The following FSTL4 variants were observed in gnomAD, a reference collection of about 807,000 sequenced individuals.
FSTL4 encodes the protein follistatin-related protein 4.
In FSTL4, 28 loss-of-function variants were observed where a neutral mutation model predicts 78.2. The observed-to-expected ratio is 0.36, with a 90% CI of 0.27 to 0.49. FSTL4 has a LOEUF of 0.49. Ranked by LOEUF, FSTL4 falls within the 20% of genes least tolerant of loss-of-function variation. The probability of loss-of-function intolerance (pLI) is 0.98; values close to 1 mark genes in which losing one functional copy is unlikely to be tolerated. For missense variants in FSTL4, 922 were observed against 1,084.9 expected (o/e 0.85, Z 2.11); for synonymous variants, 422 against 440.5 (o/e 0.96, Z 0.53).
intron 4 of FSTL4, among the ~76,000 whole-genome samples, chr5:133,320,560 G>A (rs1175579601): frequency 1.3e-5 from 2 of 152,202 alleles, no homozygotes; most frequent in Admixed American, 1.3e-4. Flanking sequence ...AGATGCAGGT[G>A]CTGTCAACAC....
chr5:133,551,062 T>G (rs1759682511), intron 3 of FSTL4, among the ~76,000 whole-genome samples: 1 of 152,208 alleles, frequency 6.6e-6, no homozygotes, highest in South Asian at 2.1e-4. Context: ...ACTTTCTTAC[T>G]ATTACTTAGA....
rs551806522 is a variant in FSTL4, at chr5:133,609,737, C to T, written c.-11+2588G>A. 5.9e-5 allele frequency among the ~76,000 whole-genome samples: 9 copies of T among 152,334 alleles called. No homozygotes were observed. In the South Asian group the frequency reaches 8.3e-4, roughly 14 times the overall value. ...ATGTGCCATGTATAAATCTCTATTC[C>T]TATTTACTCTGACGTTTAACACAGA... On this transcript the variant is annotated intron_variant, in intron 1 of 15. Coordinates refer to ENST00000265342, the MANE Select transcript of FSTL4 (RefSeq NM_015082.2).
chr5:133,745,741 T>G, the FSTL4 span, among the ~76,000 whole-genome samples: 3 of 152,234 alleles, frequency 2.0e-5, no homozygotes, highest in African/African-American at 7.2e-5. Flanking sequence ...AAACTGCCAC[T>G]TGTCAGCTTT....
At chr5:133,603,600 A>T (rs1760914564) in intron 2 of FSTL4, among the ~76,000 whole-genome samples, 1 of 152,234 alleles carries the variant, frequency 6.6e-6, no homozygotes, top group African/African-American at 2.4e-5. Context: ...TGTAGAGACT[A>T]ACCAGGCAAT....
At chr5:133,242,305 T>C (rs752402967) in intron 7 of FSTL4, among the ~76,000 whole-genome samples, 2 of 151,900 alleles carry the variant, frequency 1.3e-5, no homozygotes, top group Non-Finnish European at 2.9e-5. Flanking sequence ...CTTGGAGGGG[T>C]AGGCTCCAAT....
the FSTL4 span, among the ~76,000 whole-genome samples, chr5:133,708,079 G>A: frequency 6.7e-6 from 1 of 149,102 alleles, no homozygotes; most frequent in Admixed American, 6.8e-5. Flanking sequence ...AGAAAGAAAA[G>A]AGGGAAGGAG....
intron 4 of FSTL4, among the ~76,000 whole-genome samples, chr5:133,337,902 G>A (rs1754499764): frequency 6.6e-6 from 1 of 152,164 alleles, no homozygotes; most frequent in Admixed American, 6.5e-5. Context: ...TGGAGGATAG[G>A]ATACTGTTTG....
At chr5:133,754,754 A>G in the FSTL4 span, among the ~76,000 whole-genome samples, 1 of 152,166 alleles carries the variant, frequency 6.6e-6, no homozygotes, top group Non-Finnish European at 1.5e-5. Context: ...AGAGGGCAGT[A>G]TCCTGAGCCC....
chr5:133,229,350 T>C (rs536128012), intron 8 of FSTL4, among the ~76,000 whole-genome samples: 6 of 152,168 alleles, frequency 3.9e-5, no homozygotes, highest in African/African-American at 1.4e-4. Flanking sequence ...TGTGAAACCC[T>C]GATTCTACCA....
chr5:133,725,491 A>G, the FSTL4 span, among the ~76,000 whole-genome samples: 1 of 152,234 alleles, frequency 6.6e-6, no homozygotes, highest in Non-Finnish European at 1.5e-5. Flanking sequence ...TCAGATACAC[A>G]TGCCACGCAA....
In FSTL4 at chr5:133,475,061, C is replaced by T. The variant is rs117310360; in HGVS notation, c.161-74075G>A. On this transcript the variant is annotated intron_variant, in intron 3 of 15. Coordinates refer to ENST00000265342, the MANE Select transcript of FSTL4 (RefSeq NM_015082.2). ...TGTGTCACAAGCAGGCTGTGAGCCT[C>T]GTGTGCAGCCCAGGCTGGCCCCAGG... Among the ~76,000 whole-genome samples, 9 of 152,312 alleles carry T rather than the reference C, an allele frequency of 5.9e-5. No homozygotes were observed. The East Asian group carries it at 1.4e-3, about 23-fold the overall frequency.
chr5:133,469,816 G>C (rs1220917783), intron 3 of FSTL4, among the ~76,000 whole-genome samples: 1 of 151,938 alleles, frequency 6.6e-6, no homozygotes, highest in Non-Finnish European at 1.5e-5. Flanking sequence ...CCACAGCCCA[G>C]AACATATGCA....
intron 4 of FSTL4, among the ~76,000 whole-genome samples, chr5:133,388,295 T>C (rs1755753814): frequency 6.6e-6 from 1 of 152,234 alleles, no homozygotes; most frequent in African/African-American, 2.4e-5. Context: ...ATTTGAACCC[T>C]TGCCCAGCAG....
intron 6 of FSTL4, among the ~76,000 whole-genome samples, chr5:133,254,401 G>A (rs1281703161): frequency 6.6e-6 from 1 of 152,276 alleles, no homozygotes; most frequent in Non-Finnish European, 1.5e-5. Context: ...AACACTGAGG[G>A]CAAGAGGACT....
At chr5:133,531,055 G>A (rs1431856900) in intron 3 of FSTL4, among the ~76,000 whole-genome samples, 2 of 152,178 alleles carry the variant, frequency 1.3e-5, no homozygotes, top group Admixed American at 6.5e-5. Flanking sequence ...GGATAGGGCC[G>A]ATATTCTTCT....
intron 7 of FSTL4, 46 bp downstream of exon 7, chr5:133,249,363 TC>T (rs1283809792): frequency 2.0e-6 from 3 of 1,496,422 alleles, no homozygotes; most frequent in Middle Eastern, 1.7e-4. Flanking sequence ...CAGTGTACTC[TC>T]CCAGGGAGGT....
At chr5:133,639,644 T>A in the FSTL4 span, among the ~76,000 whole-genome samples, 7,342 of 152,250 alleles carry the variant, frequency 0.048, 573 homozygotes, top group African/African-American at 0.17. Context: ...TCTCGGGCCA[T>A]CTGTGGAAGC....
intron 6 of FSTL4, among the ~76,000 whole-genome samples, chr5:133,288,829 C>T (rs1226305438): frequency 6.6e-6 from 1 of 152,132 alleles, no homozygotes; most frequent in Non-Finnish European, 1.5e-5. Context: ...GACTAAGCAT[C>T]ACTCCATTTT....
At chr5:133,682,124 A>G in the FSTL4 span, among the ~76,000 whole-genome samples, 13 of 152,172 alleles carry the variant, frequency 8.5e-5, no homozygotes, top group Admixed American at 8.5e-4. Context: ...CATCCTCTGC[A>G]CAAGGATAGC....
Sources: gnomAD v4.1 joint callset for allele counts (sites outside exome capture counted in the v4.1 genomes callset) on GRCh38, gnomAD v4.1.1 for gene constraint, MANE v1.5 for transcripts, NCBI Gene and HGNC (gene_info 2026-07-23, HGNC 2026-07-21) for gene names.